CADM2: variants seen among roughly 807,000 people sequenced by gnomAD.
CADM2 encodes the protein cell adhesion molecule 2, also known as immunoglobulin superfamily member 4D.
In CADM2, 12 loss-of-function variants were observed where a neutral mutation model predicts 49.8. The observed-to-expected ratio is 0.24, with a 90% CI of 0.15 to 0.39. The LOEUF (loss-of-function observed/expected upper bound fraction) is 0.39. Ranked by LOEUF, CADM2 falls within the 10% of genes least tolerant of loss-of-function variation. The probability of loss-of-function intolerance (pLI) is 1.00; values close to 1 mark genes in which losing one functional copy is unlikely to be tolerated. For synonymous variants in CADM2, 214 were observed against 175.4 expected (o/e 1.22, Z -1.74); for missense variants, 378 against 492.3 (o/e 0.77, Z 2.20).
intron 1 of CADM2, among the ~76,000 whole-genome samples, chr3:85,071,019 T>TAAATAAACAAAC (rs1052439937): frequency 2.0e-5 from 3 of 149,676 alleles, no homozygotes; most frequent in African/African-American, 7.3e-5. Flanking sequence ...AATAAATAAA[T>TAAATAAACAAAC]AAACAAATAA....
chr3:85,393,176 T>C lies in CADM2; in HGVS notation c.62-333346T>C, dbSNP rs1012721627. Among the ~76,000 whole-genome samples the C allele has an allele frequency of 2.0e-5, 3 of 151,712 alleles. No individual in the cohort carries two copies. The South Asian group carries it at 6.2e-4, about 32-fold the overall frequency. ...ACAAGACAATGGAACTGTAAAGAGC[T>C]AATAAAAATCAGTGATTTACTAGCT... On this transcript the variant is annotated intron_variant, in intron 1 of 9. Transcript: ENST00000383699.
intron 1 of CADM2, among the ~76,000 whole-genome samples, chr3:85,614,264 C>G (rs2063745381): frequency 6.8e-6 from 1 of 147,026 alleles, no homozygotes; most frequent in Admixed American, 6.7e-5. Context: ...AAAGTAACCA[C>G]AAATATTAGT....
intron 1 of CADM2, among the ~76,000 whole-genome samples, chr3:85,298,270 C>G (rs2044014843): frequency 6.6e-6 from 1 of 151,958 alleles, no homozygotes; most frequent in African/African-American, 2.4e-5. Flanking sequence ...AGAGAGCTGT[C>G]AGTTATTGTC....
At chr3:85,891,476 A>C (rs954596768) in intron 5 of CADM2, among the ~76,000 whole-genome samples, 1 of 152,178 alleles carries the variant, frequency 6.6e-6, no homozygotes, top group African/African-American at 2.4e-5. Flanking sequence ...ATGATGTGAT[A>C]TGATTGCCTC....
At chr3:85,488,279 G>A (rs1042720081) in intron 1 of CADM2, among the ~76,000 whole-genome samples, 1 of 152,084 alleles carries the variant, frequency 6.6e-6, no homozygotes, top group Non-Finnish European at 1.5e-5. Context: ...ATGTTAAAGT[G>A]CTCCTTGTCC....
At chr3:85,534,705 G>C (rs574187099) in intron 1 of CADM2, among the ~76,000 whole-genome samples, 4 of 152,236 alleles carry the variant, frequency 2.6e-5, no homozygotes, top group African/African-American at 9.6e-5. Flanking sequence ...GCATTTTTAA[G>C]GGCTATTAAG....
At chr3:85,375,252 T>C (rs984364348) in intron 1 of CADM2, among the ~76,000 whole-genome samples, 1 of 152,302 alleles carries the variant, frequency 6.6e-6, no homozygotes, top group South Asian at 2.1e-4. Context: ...GATACCACTA[T>C]ATGATAATAG....
rs190552934 is a variant in CADM2 at position 85,826,978 on chromosome 3, G to C, written c.238+24782G>C. Among the ~76,000 whole-genome samples the C allele has an allele frequency of 2.9e-3, 448 of 151,994 alleles. 1 individual carries two copies. Among genetic ancestry groups the C allele is most frequent in the South Asian group, 7.3e-3 (35 of 4,822 alleles). Reference sequence around the variant, plus strand: ...AAGATAAATGTAGTTAGGAACTGTTGAGTTCTTTGTGATCCAGAAATTATG... The same window carrying C: ...AAGATAAATGTAGTTAGGAACTGTTCAGTTCTTTGTGATCCAGAAATTATG... On this transcript the variant is annotated intron_variant, in intron 3 of 9. Transcript: ENST00000383699.
At chr3:85,909,176 CCAGT>C (rs1406850617) in intron 5 of CADM2, among the ~76,000 whole-genome samples, 1 of 152,004 alleles carries the variant, frequency 6.6e-6, no homozygotes, top group African/African-American at 2.4e-5. Context: ...ATATTCTCTC[CCAGT>C]CAGTTTCCCA....
intron 1 of CADM2, among the ~76,000 whole-genome samples, chr3:85,056,775 A>G (rs2036095437): frequency 1.3e-5 from 2 of 152,134 alleles, no homozygotes; most frequent in Non-Finnish European, 2.9e-5. Flanking sequence ...TAATGAAAAT[A>G]ACACAATAGT....
At chr3:85,543,107 C>T (rs2061581581) in intron 1 of CADM2, among the ~76,000 whole-genome samples, 1 of 152,094 alleles carries the variant, frequency 6.6e-6, no homozygotes, top group Non-Finnish European at 1.5e-5. Context: ...TCAGAAAATT[C>T]ATTCTTTTGA....
At chr3:85,652,772 C>CTTTTCTTTTTTTTTTTTT (rs1553655456) in intron 1 of CADM2, among the ~76,000 whole-genome samples, 1 of 50,782 alleles carries the variant, frequency 2.0e-5, no homozygotes, top group Non-Finnish European at 3.5e-5. Flanking sequence ...TTTTTCTTTT[C>CTTTTCTTTTTTTTTTTTT]TTTTTTTTTT....
chr3:85,971,766 TA>T (rs1184858260), intron 8 of CADM2, among the ~76,000 whole-genome samples: 3 of 151,666 alleles, frequency 2.0e-5, no homozygotes, highest in East Asian at 3.9e-4. Flanking sequence ...GTTTGGAATG[TA>T]AAAAAGTATT....
intron 1 of CADM2, among the ~76,000 whole-genome samples, chr3:85,106,369 C>T (rs1477850787): frequency 6.6e-6 from 1 of 152,088 alleles, no homozygotes; most frequent in Non-Finnish European, 1.5e-5. Flanking sequence ...TAAGGAGGAA[C>T]AGATTTTGAA....
At chr3:85,713,119 G>A (rs1257586032) in intron 1 of CADM2, among the ~76,000 whole-genome samples, 1 of 152,046 alleles carries the variant, frequency 6.6e-6, no homozygotes. Flanking sequence ...TTCTGGAGAC[G>A]AGAGTTTAAC....
At chr3:85,947,431 AT>A (rs1428769393) in intron 7 of CADM2, among the ~76,000 whole-genome samples, 7 of 151,554 alleles carry the variant, frequency 4.6e-5, no homozygotes, top group Non-Finnish European at 1.0e-4. Flanking sequence ...GTTCTGATAT[AT>A]AGAGAAATGC....
chr3:85,342,831 G>A (rs569027441), intron 1 of CADM2, among the ~76,000 whole-genome samples: 2 of 152,196 alleles, frequency 1.3e-5, no homozygotes, highest in East Asian at 3.9e-4. Context: ...CAAGCAAGAA[G>A]AGAGTCATAG....
intron 1 of CADM2, among the ~76,000 whole-genome samples, chr3:85,269,164 A>G (rs1374408508): frequency 6.6e-6 from 1 of 151,508 alleles, no homozygotes; most frequent in Middle Eastern, 3.4e-3. Flanking sequence ...ACATTTTTAA[A>G]GACTGTAATA....
intron 3 of CADM2, among the ~76,000 whole-genome samples, chr3:85,844,182 T>C (rs1417913333): frequency 6.6e-6 from 1 of 152,114 alleles, no homozygotes; most frequent in Non-Finnish European, 1.5e-5. Context: ...AGATTTCTGA[T>C]CTACAGAGAA....
Sources: gnomAD v4.1 joint callset for allele counts (sites outside exome capture counted in the v4.1 genomes callset) on GRCh38, gnomAD v4.1.1 for gene constraint, MANE v1.5 for transcripts, NCBI Gene and HGNC (gene_info 2026-07-23, HGNC 2026-07-21) for gene names.